The following CACNA1C variants were observed in gnomAD, a reference collection of about 807,000 sequenced individuals.
The protein encoded by CACNA1C is calcium voltage-gated channel subunit alpha1 C.
CACNA1C carries 30 observed loss-of-function variants against 229.0 expected under a neutral mutation model. The observed-to-expected ratio is 0.13, with a 90% confidence interval of 0.10 to 0.18. CACNA1C has a LOEUF of 0.18. Among genes scored for constraint, CACNA1C ranks in the 10% least tolerant of loss-of-function variants. CACNA1C has a pLI of 1.00. For synonymous variants in CACNA1C, 1,114 were observed against 1,132.5 expected (o/e 0.98, Z 0.33); for missense variants, 1,658 against 2,845.0 (o/e 0.58, Z 9.49).
chr12:2,310,342 T>TAAAAAAAAA (rs1262171750), intron 3 of CACNA1C, among the ~76,000 whole-genome samples: 54 of 144,242 alleles, frequency 3.7e-4, no homozygotes, highest in African/African-American at 1.3e-3. Context: ...GCCTCCCAGT[T>TAAAAAAAAA]AAAAAAAAAA....
intron 3 of CACNA1C, among the ~76,000 whole-genome samples, chr12:2,195,105 G>A (rs1400704680): frequency 6.6e-6 from 1 of 152,180 alleles, no homozygotes; most frequent in Non-Finnish European, 1.5e-5. Flanking sequence ...TTAAATCACC[G>A]ATAGCAGCAG....
chr12:2,456,834 A>G (rs1015347880), intron 4 of CACNA1C, among the ~76,000 whole-genome samples: 17 of 152,340 alleles, frequency 1.1e-4, no homozygotes, highest in Admixed American at 2.6e-4. Context: ...TCTCCCTGCT[A>G]GAATGCAAGT....
intron 1 of CACNA1C, among the ~76,000 whole-genome samples, chr12:2,019,509 GAGGAAGGA>G (rs564201695): frequency 7.3e-6 from 1 of 137,364 alleles, no homozygotes; most frequent in Non-Finnish European, 1.6e-5. Flanking sequence ...GGGAGGGAGG[GAGGAAGGA>G]AGGAAGGAAG....
Position 2,504,068 on chromosome 12 carries a change from A to C in CACNA1C, c.1114-774A>C, listed in dbSNP as rs1272481480. 6.6e-6 allele frequency among the ~76,000 whole-genome samples: 1 copy of C among 152,230 alleles called. No individual in the cohort carries two copies. The highest frequency in any genetic ancestry group is 2.4e-5 in the African/African-American group (1 of 41,472). ...GTCAGGGGCCTCCGGGTGCAACAGA[A>C]GGCTTAATGTCCAGGCAAACCCAAG... On this transcript the variant is annotated intron_variant, in intron 7 of 46. Coordinates refer to ENST00000399655, the MANE Select transcript of CACNA1C (RefSeq NM_000719.7). This position sits in a 1 kb window ranked among gnomAD's most constrained non-coding sequence, Gnocchi z 6.8.
chr12:2,161,318 T>G (rs986948940), intron 3 of CACNA1C, among the ~76,000 whole-genome samples: 2 of 152,130 alleles, frequency 1.3e-5, no homozygotes, highest in Admixed American at 1.3e-4. Context: ...TGCTACTTAG[T>G]TATTCCTGGG....
At chr12:2,257,594 A>G (rs1197115084) in intron 3 of CACNA1C, among the ~76,000 whole-genome samples, 1 of 152,214 alleles carries the variant, frequency 6.6e-6, no homozygotes, top group Non-Finnish European at 1.5e-5. Flanking sequence ...CCCACCGCTC[A>G]TCTCCTGCTG....
In CACNA1C at chr12:2,602,297, C is replaced by T. The variant is rs1480929727; in HGVS notation, c.2960+337C>T. On this transcript the variant is annotated intron_variant, in intron 22 of 46. Transcript: ENST00000399655. The surrounding 1 kb of genome is among the most constrained non-coding windows in gnomAD (Gnocchi z 4.4). ...TGCCCTAGGCTGACCTTCAGCAACC[C>T]ACAGTCTGCCACTGCCGTGACCTCC... Among the ~76,000 whole-genome samples the T allele has an allele frequency of 6.6e-6, 1 of 152,226 alleles. No individual in the cohort carries two copies. The highest frequency in any genetic ancestry group is 1.5e-5 in the Non-Finnish European group (1 of 68,040).
chr12:2,175,167 A>G (rs7298845), intron 3 of CACNA1C, among the ~76,000 whole-genome samples: 18,853 of 152,206 alleles, frequency 0.12, 2,574 homozygotes, highest in African/African-American at 0.32. Context: ...GTAAAACGCA[A>G]GAGATCCTTA....
intron 1 of CACNA1C, among the ~76,000 whole-genome samples, chr12:2,065,180 G>A (rs1181957079): frequency 6.6e-6 from 1 of 152,182 alleles, no homozygotes; most frequent in Non-Finnish European, 1.5e-5. Flanking sequence ...CTGGGGATTC[G>A]AGCTATACAT....
At chr12:2,592,934 A>T (rs2066103871) in intron 18 of CACNA1C, among the ~76,000 whole-genome samples, 2 of 152,148 alleles carry the variant, frequency 1.3e-5, no homozygotes, top group South Asian at 2.1e-4. Flanking sequence ...CAGTTTGCCC[A>T]GAACTAGGGG....
rs770215129 is a variant in CACNA1C, at chr12:2,581,846, G to A, written c.2103+49G>A. The A allele has an allele frequency of 5.7e-5, 69 of 1,210,132 alleles. No homozygotes were observed. The Middle Eastern group carries it at 7.6e-4, about 13-fold the overall frequency. 75.0% of individuals were successfully genotyped at this position (1,210,132 alleles called of 1,614,324 possible). A position where few individuals can be genotyped will look rare whatever the true frequency, so the allele number is the denominator to read the frequency against. On this transcript the variant is annotated intron_variant, in intron 14 of 46. Transcript: ENST00000399655. Reference sequence around the variant, plus strand: ...TTCGGACTCGGGGTGGTTGAGTGGCGGGGTGGTGGGAGGAGTGTGGGAAGC... The same window carrying A: ...TTCGGACTCGGGGTGGTTGAGTGGCAGGGTGGTGGGAGGAGTGTGGGAAGC...
At chr12:2,012,594 C>T (rs2044634915) in intron 1 of CACNA1C, among the ~76,000 whole-genome samples, 1 of 152,190 alleles carries the variant, frequency 6.6e-6, no homozygotes, top group Non-Finnish European at 1.5e-5. Flanking sequence ...AGTTTGTGCA[C>T]ATTGTAAATA....
chr12:2,000,514 C>T (rs1379156337), intron 1 of CACNA1C, among the ~76,000 whole-genome samples: 3 of 150,408 alleles, frequency 2.0e-5, no homozygotes, highest in Non-Finnish European at 4.4e-5. Flanking sequence ...TTTTAAATTC[C>T]AAGGTCAAAA....
intron 3 of CACNA1C, among the ~76,000 whole-genome samples, chr12:2,443,123 AG>A (rs2154561435): frequency 6.6e-6 from 1 of 152,336 alleles, no homozygotes; most frequent in East Asian, 1.9e-4. Flanking sequence ...GCAGGGCTGG[AG>A]GGCCCGGTAG....
At position 2,629,139 on chromosome 12, in the gene CACNA1C, A is replaced by G. The variant is rs962521964; in HGVS notation, c.3829-5158A>G. On this transcript the variant is annotated intron_variant, in intron 29 of 46. Transcript: ENST00000399655. Reference sequence around the variant, plus strand: ...CAATCTCCAGCCGACTAGAATAAAGACAACGGTGATGACGAGATTCTTGAA... The same window carrying G: ...CAATCTCCAGCCGACTAGAATAAAGGCAACGGTGATGACGAGATTCTTGAA... Among the ~76,000 whole-genome samples, 12 of 152,234 alleles carry G rather than the reference A, an allele frequency of 7.9e-5. 1 individual carries two copies. Among genetic ancestry groups the G allele is most frequent in the Admixed American group, 5.9e-4 (9 of 15,288 alleles).
At chr12:2,090,952 C>G (rs1307932345) in intron 1 of CACNA1C, among the ~76,000 whole-genome samples, 1 of 152,166 alleles carries the variant, frequency 6.6e-6, no homozygotes, top group African/African-American at 2.4e-5. Flanking sequence ...GAAGTGATAG[C>G]TCATGGTGGT....
chr12:2,024,294 T>G (rs3858700), intron 1 of CACNA1C, among the ~76,000 whole-genome samples: 1,549 of 152,326 alleles, frequency 0.01, 22 homozygotes, highest in African/African-American at 0.035. Context: ...TCAGGCCAGC[T>G]CCACCTGGGC....
intron 1 of CACNA1C, among the ~76,000 whole-genome samples, chr12:2,092,422 C>T (rs750368364): frequency 6.6e-6 from 1 of 152,154 alleles, no homozygotes; most frequent in African/African-American, 2.4e-5. Flanking sequence ...CTTGGATATC[C>T]TGTAACTCAA....
At chr12:2,456,754 G>A (rs758230) in intron 4 of CACNA1C, among the ~76,000 whole-genome samples, 91,476 of 151,912 alleles carry the variant, frequency 0.6, 27,809 homozygotes, top group East Asian at 0.87. Context: ...GCCCCTCCCC[G>A]CTCCTCCTCC....
Sources: gnomAD v4.1 joint callset for allele counts (sites outside exome capture counted in the v4.1 genomes callset) on GRCh38, gnomAD v4.1.1 for gene constraint, Gnocchi (gnomAD v3.1) non-coding constraint, MANE v1.5 for transcripts, NCBI Gene and HGNC (gene_info 2026-07-23, HGNC 2026-07-21) for gene names.